GABBR1: variants seen among roughly 807,000 people sequenced by gnomAD.
GABBR1 encodes the protein gamma-aminobutyric acid type B receptor subunit 1.
GABBR1 carries 35 observed loss-of-function variants against 117.7 expected under a neutral mutation model. That is an observed-to-expected ratio of 0.30 (90% CI 0.23 to 0.39). The LOEUF is 0.39. GABBR1 is among the 10% of genes least tolerant of loss of function. The pLI, the probability that GABBR1 is intolerant of heterozygous loss-of-function variation, is 1.00. For synonymous variants in GABBR1, 442 were observed against 486.6 expected, an observed-to-expected ratio of 0.91 and a Z score of 1.21; for missense variants, 709 against 1,241.8, an observed-to-expected ratio of 0.57 and a Z score of 6.45.
chr6:29,627,774 A>T lies in GABBR1; in HGVS notation c.497-128T>A. ...GCAGTGGCCACCCCACCCGGGCAAA[A>T]GGGGCCCCGGGCCCCATGGCGTGGG... is the stretch of plus-strand genomic sequence containing the variant. On this transcript the variant is annotated intron_variant, in intron 5 of 22. Coordinates refer to ENST00000377034, the MANE Select transcript of GABBR1 (RefSeq NM_001470.4). The surrounding 1 kb of genome is among the most constrained non-coding windows in gnomAD (Gnocchi z 4.4). The T allele has an allele frequency of 6.8e-7, 1 of 1,465,672 alleles. No individual in the cohort carries two copies. The highest frequency in any genetic ancestry group is 2.5e-5 in the East Asian group (1 of 39,626). The allele number at this position is 1,465,672 out of a possible 1,614,324, so 90.8% of individuals were successfully genotyped here. A position where few individuals can be genotyped will look rare whatever the true frequency, so the allele number is the denominator to read the frequency against.
At position 29,627,385 on chromosome 6, in the gene GABBR1, G is replaced by T; in HGVS notation, c.657+101C>A. 3 of 1,241,564 alleles carry T rather than the reference G, an allele frequency of 2.4e-6. No homozygotes were observed. The highest frequency in any genetic ancestry group is 3.4e-6 in the Non-Finnish European group (3 of 893,576). 76.9% of individuals were successfully genotyped at this position (1,241,564 alleles called of 1,614,324 possible). The stretch of plus-strand genomic sequence containing the variant: ...GTCACACAAGGGAGGGGTCTGCCTC[G>T]CAATCCCAGAGACGACTCAGACAGA... On this transcript the variant is annotated intron_variant, in intron 6 of 22. Coordinates refer to ENST00000377034, the MANE Select transcript of GABBR1 (RefSeq NM_001470.4). This position sits in a 1 kb window ranked among gnomAD's most constrained non-coding sequence, Gnocchi z 4.4.
rs1763884892 is a variant in GABBR1, at chr6:29,622,745, T to C, written c.964-540A>G. ...TATTTCCTCTCTACCTCCCCAAATC[T>C]CCCTCTTCCCCCTCAACCTCTCCTT... On this transcript the variant is annotated intron_variant, in intron 8 of 22. Coordinates refer to ENST00000377034, the MANE Select transcript of GABBR1 (RefSeq NM_001470.4). This position sits in a 1 kb window ranked among gnomAD's most constrained non-coding sequence, Gnocchi z 4.6. Among the ~76,000 whole-genome samples the C allele has an allele frequency of 6.6e-6, 1 of 151,856 alleles. No individual in the cohort carries two copies.
At position 29,613,741 on chromosome 6, in the gene GABBR1, CAG is replaced by C. The variant is rs1762794241; in HGVS notation, c.1324-258_1324-257del. Among the ~76,000 whole-genome samples, 1 of 152,188 alleles carries C rather than the reference CAG, an allele frequency of 6.6e-6. No individual in the cohort carries two copies. Among genetic ancestry groups the C allele is most frequent in the Admixed American group, 6.5e-5 (1 of 15,274 alleles). On this transcript the variant is annotated intron_variant, in intron 11 of 22. Transcript: ENST00000377034. This position sits in a 1 kb window ranked among gnomAD's most constrained non-coding sequence, Gnocchi z 4.1. ...ACAGTTGCTAGCTCAGAACTGCAAA[CAG>C]AGAATTTTGACAAACACTCTGGATA...
chr6:29,610,414 C>T (rs983823852), intron 14 of GABBR1, among the ~76,000 whole-genome samples: 2 of 152,068 alleles, frequency 1.3e-5, no homozygotes, highest in African/African-American at 2.4e-5. Flanking sequence ...CACAACTGCA[C>T]GTCTACCTCT....
rs1388112433 is a variant in GABBR1 at position 29,622,266 on chromosome 6, G to C, written c.964-61C>G. On this transcript the variant is annotated intron_variant, in intron 8 of 22. Coordinates refer to ENST00000377034, the MANE Select transcript of GABBR1 (RefSeq NM_001470.4). This position sits in a 1 kb window ranked among gnomAD's most constrained non-coding sequence, Gnocchi z 4.6. ...GGGGTGCATGAGGGAATAAAGACCA[G>C]AGAGGTTAACTGGGGATTTCAGAGC... The C allele has an allele frequency of 3.5e-6, 4 of 1,133,206 alleles. No individual in the cohort carries two copies. The highest frequency in any genetic ancestry group is 5.3e-6 in the Non-Finnish European group (4 of 749,674). 70.2% of individuals were successfully genotyped at this position (1,133,206 alleles called of 1,614,324 possible). A position where few individuals can be genotyped will look rare whatever the true frequency, so the allele number is the denominator to read the frequency against.
Position 29,632,601 on chromosome 6 carries a change from T to A in GABBR1, c.1-216A>T. The A allele has an allele frequency of 7.2e-6, 8 of 1,104,838 alleles. No homozygotes were observed. Among genetic ancestry groups the A allele is most frequent in the Non-Finnish European group, 8.7e-6 (7 of 803,808 alleles). 68.4% of individuals were successfully genotyped at this position (1,104,838 alleles called of 1,614,324 possible). On this transcript the variant is annotated intron_variant, in intron 1 of 22. Coordinates refer to ENST00000377034, the MANE Select transcript of GABBR1 (RefSeq NM_001470.4). The surrounding 1 kb of genome is among the most constrained non-coding windows in gnomAD (Gnocchi z 5.8). Reference sequence around the variant, plus strand: ...TGTCCCCACCCTCCTCCTGCCTCCCTCGGCCCCCAACCCTCCCGGGACTCC... The same window carrying A: ...TGTCCCCACCCTCCTCCTGCCTCCCACGGCCCCCAACCCTCCCGGGACTCC...
intron 11 of GABBR1, among the ~76,000 whole-genome samples, chr6:29,615,553 G>A (rs1192587574): frequency 1.3e-5 from 2 of 148,670 alleles, no homozygotes; most frequent in Non-Finnish European, 3.0e-5. Flanking sequence ...AGGTTGCAGT[G>A]AGCAGAGATC....
chr6:29,629,698 A>C (rs1013191387), intron 4 of GABBR1, among the ~76,000 whole-genome samples: 1 of 152,066 alleles, frequency 6.6e-6, no homozygotes, highest in Non-Finnish European at 1.5e-5. Context: ...TCTTGAAAGA[A>C]TCTACCAGGG....
In GABBR1 at chr6:29,631,255, T is replaced by G; in HGVS notation, c.289+141A>C. On this transcript the variant is annotated intron_variant, in intron 3 of 22. Transcript: ENST00000377034. This position sits in a 1 kb window ranked among gnomAD's most constrained non-coding sequence, Gnocchi z 5.9. The stretch of plus-strand genomic sequence containing the variant: ...CCAACCGCACAGAGCAAAATTGCTC[T>G]TATGTAGTAGTCATTCAATAAATGT... 2.3e-6 allele frequency: 2 copies of G among 858,710 alleles called. No homozygotes were observed. The highest frequency in any genetic ancestry group is 1.6e-5 in the South Asian group (1 of 63,030). 53.2% of individuals were successfully genotyped at this position (858,710 alleles called of 1,614,324 possible).
intron 11 of GABBR1, among the ~76,000 whole-genome samples, chr6:29,614,894 TC>T (rs1219025721): frequency 6.8e-6 from 1 of 146,516 alleles, no homozygotes; most frequent in African/African-American, 2.6e-5. Flanking sequence ...GCGGAGGATG[TC>T]GATAATGTAG....
chr6:29,617,305 T>TA (rs1264745639), intron 11 of GABBR1, among the ~76,000 whole-genome samples: 1 of 114,560 alleles, frequency 8.7e-6, no homozygotes, highest in Non-Finnish European at 1.9e-5. Flanking sequence ...TTCTTTCTTT[T>TA]TTTTTTTTTT....
chr6:29,603,348 A>T lies in GABBR1; in HGVS notation c.*195T>A. On this transcript the variant is annotated 3_prime_UTR_variant, in exon 23 of 23. Transcript: ENST00000377034. Reference sequence around the variant, plus strand: ...AAAATTACATGAAGCAGTAAGAGAGAAAAAGGTCTGTTTCCCAGAGGTATG... The same window carrying T: ...AAAATTACATGAAGCAGTAAGAGAGTAAAAGGTCTGTTTCCCAGAGGTATG... 1.4e-6 allele frequency: 1 copy of T among 707,720 alleles called. No individual in the cohort carries two copies. The highest frequency in any genetic ancestry group is 2.6e-6 in the Non-Finnish European group (1 of 385,886). The allele number at this position is 707,720 out of a possible 1,614,324, so 43.8% of individuals were successfully genotyped here.
At position 29,621,092 on chromosome 6, in the gene GABBR1, C is replaced by T; in HGVS notation, c.1323+9G>A. On this transcript the variant is annotated intron_variant, in intron 11 of 22. Transcript: ENST00000377034. The surrounding 1 kb of genome is among the most constrained non-coding windows in gnomAD (Gnocchi z 5.0). ...CCAGGTGCCAGACTGCAAGTCCCCA[C>T]ACTCTCACCATGTTGGAAATGCTGC... 6.2e-7 allele frequency: 1 copy of T among 1,609,846 alleles called. No homozygotes were observed. The highest frequency in any genetic ancestry group is 8.5e-7 in the Non-Finnish European group (1 of 1,178,480).
chr6:29,615,154 G>C (rs547702660), intron 11 of GABBR1, among the ~76,000 whole-genome samples: 6 of 151,986 alleles, frequency 3.9e-5, no homozygotes, highest in Admixed American at 1.3e-4. Flanking sequence ...GCATGGTGGT[G>C]TGCACTTGCA....
chr6:29,606,396 C>T lies in GABBR1; in HGVS notation c.2306G>A (p.Trp769Ter). Residue 769 changes from tryptophan to a stop codon, truncating the protein, a stop_gained, in exon 19 of 23, where the codon TGG becomes TAG. Coordinates refer to ENST00000377034, the MANE Select transcript of GABBR1 (RefSeq NM_001470.4). LOFTEE classifies it high-confidence loss of function. This position sits in a 1 kb window ranked among gnomAD's most constrained non-coding sequence, Gnocchi z 4.5. Reference sequence around the variant, plus strand: ...TTTGCCCACATCCCACACACCAAGCCATGTATTCATCTTCCTGGAGCTGCA... The same window carrying T: ...TTTGCCCACATCCCACACACCAAGCTATGTATTCATCTTCCTGGAGCTGCA... ...EHCSSRKMNTWLGIFYGYKGL... is the reference protein window; with the variant it reads ...EHCSSRKMNT The T allele has an allele frequency of 6.2e-7, 1 of 1,610,906 alleles. No individual in the cohort carries two copies. Among genetic ancestry groups the T allele is most frequent in the Non-Finnish European group, 8.5e-7 (1 of 1,177,908 alleles).
At chr6:29,629,429 T>C (rs1197366964) in intron 4 of GABBR1, among the ~76,000 whole-genome samples, 3 of 152,186 alleles carry the variant, frequency 2.0e-5, no homozygotes, top group Non-Finnish European at 4.4e-5. Context: ...AAATTACACA[T>C]ACAATTGGCT....
At position 29,609,214 on chromosome 6, in the gene GABBR1, AG is replaced by A; in HGVS notation, c.1859+14del. On this transcript the variant is annotated intron_variant, in intron 15 of 22. Transcript: ENST00000377034. The surrounding 1 kb of genome is among the most constrained non-coding windows in gnomAD (Gnocchi z 4.3). ...CAGAGAGGCAGACAAGGAAAACGTC[AG>A]AAGAGAAACTTACCGGACATGTGAG... 6.2e-7 allele frequency: 1 copy of A among 1,612,460 alleles called. No homozygotes were observed.
Position 29,632,750 on chromosome 6 carries a change from C to A in GABBR1, c.-1+100G>T. ...CCCCGCGGTTCCTCCTCTCCCCCAG[C>A]CCCGCTTCCCCCAGCTGGGCCCTGC... On this transcript the variant is annotated intron_variant, in intron 1 of 22. Transcript: ENST00000377034. The surrounding 1 kb of genome is among the most constrained non-coding windows in gnomAD (Gnocchi z 5.8). The A allele has an allele frequency of 1.7e-6, 2 of 1,196,374 alleles. No homozygotes were observed. The highest frequency in any genetic ancestry group is 1.1e-6 in the Non-Finnish European group (1 of 934,908). 74.1% of individuals were successfully genotyped at this position (1,196,374 alleles called of 1,614,324 possible).
chr6:29,626,436 T>C (rs1764276377), intron 6 of GABBR1, among the ~76,000 whole-genome samples: 1 of 152,054 alleles, frequency 6.6e-6, no homozygotes, highest in African/African-American at 2.4e-5. Context: ...AAATTTGAGA[T>C]CTTAAATCTC....
Sources: allele counts gnomAD v4.1 joint callset (sites outside exome capture counted in the v4.1 genomes callset), GRCh38; gene constraint gnomAD v4.1.1; non-coding constraint Gnocchi (gnomAD v3.1); transcripts MANE v1.5; gene names NCBI Gene and HGNC (gene_info 2026-07-23, HGNC 2026-07-21).